The following ITPRID2 variants were observed in gnomAD, a reference collection of about 807,000 sequenced individuals.
ITPRID2 encodes protein ITPRID2.
Under a neutral mutation model 124.3 loss-of-function variants are expected in ITPRID2, and 60 were observed. The observed-to-expected ratio is 0.48, with a 90% confidence interval of 0.39 to 0.60. The LOEUF is 0.60. Among genes scored for constraint, ITPRID2 ranks in the 20% least tolerant of loss-of-function variants. The probability of loss-of-function intolerance (pLI) is 0.00; values close to 1 mark genes in which losing one functional copy is unlikely to be tolerated. For missense variants in ITPRID2, 1,553 were observed against 1,512.2 expected (o/e 1.03, Z -0.45); for synonymous variants, 521 against 542.9 (o/e 0.96, Z 0.56).
chr2:181,910,008 A>C lies in ITPRID2; in HGVS notation c.1486+37A>C. On this transcript the variant is annotated intron_variant, in intron 9 of 17. Transcript: ENST00000431877. This position sits in a 1 kb window ranked among gnomAD's most constrained non-coding sequence, Gnocchi z 4.1. ...AGTATCCACTAGTTCTGAGCACATTATCAAATATTAGTTGATTTGGAAAAG... is the reference window on the plus strand; with the variant it reads ...AGTATCCACTAGTTCTGAGCACATTCTCAAATATTAGTTGATTTGGAAAAG... 1 of 1,501,608 alleles carries C rather than the reference A, an allele frequency of 6.7e-7. No individual in the cohort carries two copies. Among genetic ancestry groups the C allele is most frequent in the Non-Finnish European group, 9.2e-7 (1 of 1,081,390 alleles). 93.0% of individuals were successfully genotyped at this position (1,501,608 alleles called of 1,614,324 possible). A position where few individuals can be genotyped will look rare whatever the true frequency, so the allele number is the denominator to read the frequency against.
chr2:181,891,919 C>CCCTCCT lies in ITPRID2; in HGVS notation c.-130_-125dup, dbSNP rs554422909. On this transcript the variant is annotated 5_prime_UTR_variant, in exon 1 of 18. Transcript: ENST00000431877. ...TTCCTTCCCTCCCTCCCTCCCTGTCCCCTCCTCCTCCTCCTCCTCCTCCGG... is the reference window on the plus strand; with the variant it reads ...TTCCTTCCCTCCCTCCCTCCCTGTCCCCTCCTCCTCCTCCTCCTCCTCCTCCTCCGG... The CCCTCCT allele has an allele frequency of 1.2e-5, 7 of 563,264 alleles. No homozygotes were observed. The highest frequency in any genetic ancestry group is 6.1e-5 in the African/African-American group (3 of 49,460). 34.9% of individuals were successfully genotyped at this position (563,264 alleles called of 1,614,324 possible).
intron 11 of ITPRID2, chr2:181,918,235 C>G (rs940417146): frequency 1.1e-6 from 1 of 928,846 alleles, no homozygotes; most frequent in Middle Eastern, 5.4e-4. Flanking sequence ...ATTGCTTGCT[C>G]TCCAGCAAAG....
Position 181,896,246 on chromosome 2 carries a change from G to A in ITPRID2, c.307+167G>A, listed in dbSNP as rs1692190109. Among the ~76,000 whole-genome samples, 1 of 152,022 alleles carries A rather than the reference G, an allele frequency of 6.6e-6. No individual in the cohort carries two copies. The highest frequency in any genetic ancestry group is 2.1e-4 in the South Asian group (1 of 4,834). The stretch of plus-strand genomic sequence containing the variant: ...AAACTTTGTTATAAACCGTAAAACA[G>A]TAGGGAGTTTAAGCAAATTGCCTAG... On this transcript the variant is annotated intron_variant, in intron 3 of 17. Coordinates refer to ENST00000431877, the MANE Select transcript of ITPRID2 (RefSeq NM_001130445.3). This position sits in a 1 kb window ranked among gnomAD's most constrained non-coding sequence, Gnocchi z 4.3.
rs144521499 is a variant in ITPRID2, at chr2:181,913,879, T to C, written c.1521T>C (p.Asp507=). 3.1e-6 allele frequency: 5 copies of C among 1,613,410 alleles called. No individual in the cohort carries two copies. In the African/African-American group the frequency reaches 6.7e-5, roughly 22 times the overall value. The part of the protein sequence containing the change: ...HLLRTASQHS[D]SSGFAEDSTD... ...TACGTACTGCAAGTCAGCATTCCGA[T>C]AGCAGTGGTTTTGCTGAAGATTCTA... The change falls in exon 10 of 18, where the codon GAT becomes GAC. Residue 507 remains aspartate (D), a synonymous_variant. Transcript: ENST00000431877.
At chr2:181,921,895 G>A (rs1694503575) in intron 15 of ITPRID2, 53 bp from the exon 16 acceptor site, 4 of 1,504,776 alleles carry the variant, frequency 2.7e-6, no homozygotes, top group Non-Finnish European at 3.6e-6. Context: ...AACCTTTTTA[G>A]CTACCAATCT....
rs1694059520 is a variant in ITPRID2 at position 181,916,414 on chromosome 2, A to G, written c.2774A>G (p.Gln925Arg). The change falls in exon 11 of 18, where the codon CAG (glutamine) becomes CGG (arginine). Residue 925 changes from glutamine (Q) to arginine (R), a missense_variant. Gln to Arg is a conservative substitution (Grantham distance 43). Coordinates refer to ENST00000431877, the MANE Select transcript of ITPRID2 (RefSeq NM_001130445.3). The part of the protein sequence containing the change: ...RVLHDIRNSL[Q>R]NLSQYPMMRG... ...TTACATGATATTAGAAACTCACTGC[A>G]GAATCTTTCACAGGTATGAGAAAAA... is the stretch of plus-strand genomic sequence containing the variant. 1.9e-6 allele frequency: 3 copies of G among 1,612,912 alleles called. No individual in the cohort carries two copies. The highest frequency in any genetic ancestry group is 2.5e-6 in the Non-Finnish European group (3 of 1,179,096).
rs1487196189 is a variant in ITPRID2 at position 181,905,315 on chromosome 2, C to G, written c.1413+2849C>G. Reference sequence around the variant, plus strand: ...CTGACCACCTCGGCCTCCCAAAATGCTGGGATTACAGGTGTGAGCCACCAC... The same window carrying G: ...CTGACCACCTCGGCCTCCCAAAATGGTGGGATTACAGGTGTGAGCCACCAC... On this transcript the variant is annotated intron_variant, in intron 8 of 17. Transcript: ENST00000431877. This position sits in a 1 kb window ranked among gnomAD's most constrained non-coding sequence, Gnocchi z 4.1. Among the ~76,000 whole-genome samples the G allele has an allele frequency of 6.6e-6, 1 of 152,096 alleles. No homozygotes were observed. The highest frequency in any genetic ancestry group is 1.5e-5 in the Non-Finnish European group (1 of 68,016).
rs953100599 is a variant in ITPRID2 at position 181,918,831 on chromosome 2, C to T, written c.2942C>T (p.Ala981Val). 6.2e-7 allele frequency: 1 copy of T among 1,614,148 alleles called. No homozygotes were observed. The highest frequency in any genetic ancestry group is 2.2e-5 in the East Asian group (1 of 44,864). ...ACACAAATGATGGATTTAGAATTGG[C>T]AATGCTGCGTCAGCAAACCATGGTT... ...FRTQMMDLEL[A>V]MLRQQTMVYH... Residue 981 changes from alanine (A) to valine (V), a missense_variant, in exon 13 of 18, where the codon GCA becomes GTA. Physicochemically the swap from Ala to Val is moderately conservative, Grantham distance 64. Coordinates refer to ENST00000431877, the MANE Select transcript of ITPRID2 (RefSeq NM_001130445.3).
rs1691873303 is a variant in ITPRID2, at chr2:181,892,827, G to C, written c.257+167G>C. 1.4e-6 allele frequency: 1 copy of C among 717,782 alleles called. No homozygotes were observed. 44.5% of individuals were successfully genotyped at this position (717,782 alleles called of 1,614,324 possible). A position where few individuals can be genotyped will look rare whatever the true frequency, so the allele number is the denominator to read the frequency against. On this transcript the variant is annotated intron_variant, in intron 2 of 17. Transcript: ENST00000431877. This position sits in a 1 kb window ranked among gnomAD's most constrained non-coding sequence, Gnocchi z 5.2. ...CTCCTCTAAGCGATTAGAAATGGAA[G>C]TGCTGTGACCGCTGATTATTTGGTG...
At position 181,898,829 on chromosome 2, in the gene ITPRID2, G is replaced by A. The variant is rs374330153; in HGVS notation, c.365-51G>A. ...ATTTCTTGATAATTGTATCATAGTA[G>A]TTATAGTCCTACTAACAATTGTGCT... On this transcript the variant is annotated intron_variant, in intron 4 of 17. Transcript: ENST00000431877. The A allele has an allele frequency of 2.9e-5, 37 of 1,289,798 alleles. 1 individual carries two copies. Among genetic ancestry groups the A allele is most frequent in the Non-Finnish European group, 4.0e-5 (36 of 893,264 alleles). 79.9% of individuals were successfully genotyped at this position (1,289,798 alleles called of 1,614,324 possible). A position where few individuals can be genotyped will look rare whatever the true frequency, so the allele number is the denominator to read the frequency against.
chr2:181,907,652 C>T lies in ITPRID2; in HGVS notation c.1414-2247C>T, dbSNP rs1156792291. 1.3e-5 allele frequency among the ~76,000 whole-genome samples: 2 copies of T among 152,110 alleles called. No individual in the cohort carries two copies. The highest frequency in any genetic ancestry group is 4.8e-5 in the African/African-American group (2 of 41,418). On this transcript the variant is annotated intron_variant, in intron 8 of 17. Transcript: ENST00000431877. The surrounding 1 kb of genome is among the most constrained non-coding windows in gnomAD (Gnocchi z 5.1). ...TTTGAAACCACTGAATAGGGAAAAT[C>T]TTGTCACATAAATCTAAATTCTGTG... is the stretch of plus-strand genomic sequence containing the variant.
In ITPRID2 at chr2:181,922,190, A is replaced by T; in HGVS notation, c.3453A>T (p.Ala1151=). The T allele has an allele frequency of 6.2e-7, 1 of 1,614,256 alleles. No individual in the cohort carries two copies. The highest frequency in any genetic ancestry group is 1.1e-5 in the South Asian group (1 of 91,092). ...TGGCAAGGAAGAAAGTGTTCCGAGC[A>T]TCGGTGGCTCTAACGCCAACAGCTC... ...PLVARKKVFR[A]SVALTPTAPS... Residue 1151 remains alanine, a synonymous_variant, in exon 16 of 18, where the codon GCA becomes GCT. Transcript: ENST00000431877.
intron 11 of ITPRID2, chr2:181,917,688 C>T (rs1694178607): frequency 6.6e-6 from 1 of 152,384 alleles, no homozygotes; most frequent in Non-Finnish European, 1.5e-5. Context: ...GACTATCTCT[C>T]CAGCCTCATT....
chr2:181,928,751 A>G (rs899663769), intron 17 of ITPRID2, among the ~76,000 whole-genome samples: 1 of 151,334 alleles, frequency 6.6e-6, no homozygotes, highest in Non-Finnish European at 1.5e-5. Context: ...TCAGCCTCCC[A>G]AGTAGCTGGG....
In ITPRID2 at chr2:181,910,735, T is replaced by G; in HGVS notation, c.1486+764T>G. The G allele has an allele frequency of 1.7e-6, 1 of 585,340 alleles. No individual in the cohort carries two copies. Among genetic ancestry groups the G allele is most frequent in the East Asian group, 3.1e-5 (1 of 32,590 alleles). 36.3% of individuals were successfully genotyped at this position (585,340 alleles called of 1,614,324 possible). A position where few individuals can be genotyped will look rare whatever the true frequency, so the allele number is the denominator to read the frequency against. On this transcript the variant is annotated intron_variant, in intron 9 of 17. Transcript: ENST00000431877. The surrounding 1 kb of genome is among the most constrained non-coding windows in gnomAD (Gnocchi z 4.1). ...CTAGAATAGGAAATTACATGTTTGT[T>G]GTCTCCTGATCTCTGAAATTACTTC...
chr2:181,918,390 A>G, intron 11 of ITPRID2: 1 of 1,340,492 alleles, frequency 7.5e-7, no homozygotes, highest in Non-Finnish European at 9.6e-7. Flanking sequence ...CCTCCCACGT[A>G]GATTGACTTA....
At position 181,902,643 on chromosome 2, in the gene ITPRID2, G is replaced by A. The variant is rs1229048063; in HGVS notation, c.1413+177G>A. Among the ~76,000 whole-genome samples, 10 of 152,160 alleles carry A rather than the reference G, an allele frequency of 6.6e-5. No homozygotes were observed. Among genetic ancestry groups the A allele is most frequent in the Admixed American group, 6.5e-5 (1 of 15,278 alleles). Reference sequence around the variant, plus strand: ...ATTGGTCTCAGGATAATGTGATGTCGAGGTAATGGGACAGTTCAGTAACTC... The same window carrying A: ...ATTGGTCTCAGGATAATGTGATGTCAAGGTAATGGGACAGTTCAGTAACTC... On this transcript the variant is annotated intron_variant, in intron 8 of 17. Transcript: ENST00000431877. This position sits in a 1 kb window ranked among gnomAD's most constrained non-coding sequence, Gnocchi z 4.4.
chr2:181,903,414 G>A (rs1692840346), intron 8 of ITPRID2, among the ~76,000 whole-genome samples: 1 of 152,182 alleles, frequency 6.6e-6, no homozygotes, highest in South Asian at 2.1e-4. Flanking sequence ...ATAGTTCACA[G>A]TAGTTTTAAC....
Position 181,902,237 on chromosome 2 carries a change from A to G in ITPRID2, c.1184A>G (p.Gln395Arg), listed in dbSNP as rs1367530611. The part of the protein sequence containing the change: ...SNFNQGTENE[Q>R]SKETQSHESK... ...TTTAACCAAGGAACTGAAAATGAAC[A>G]AAGTAAAGAAACTCAAAGTCATGAG... is the stretch of plus-strand genomic sequence containing the variant. The change falls in exon 8 of 18, where the codon CAA becomes CGA. Residue 395 changes from glutamine to arginine, a missense_variant. Gln to Arg is a conservative substitution (Grantham distance 43). Transcript: ENST00000431877. This position sits in a 1 kb window ranked among gnomAD's most constrained non-coding sequence, Gnocchi z 4.4. 6.2e-7 allele frequency: 1 copy of G among 1,613,048 alleles called. No individual in the cohort carries two copies. The highest frequency in any genetic ancestry group is 1.3e-5 in the African/African-American group (1 of 74,994).
Sources: allele counts gnomAD v4.1 joint callset (sites outside exome capture counted in the v4.1 genomes callset), GRCh38; gene constraint gnomAD v4.1.1; non-coding constraint Gnocchi (gnomAD v3.1); transcripts MANE v1.5; gene names NCBI Gene and HGNC (gene_info 2026-07-23, HGNC 2026-07-21).